The following TRIM24 variants were observed in gnomAD, a reference collection of about 807,000 sequenced individuals.
The protein encoded by TRIM24 is transcription intermediary factor 1-alpha.
Under a neutral mutation model 123.9 loss-of-function variants are expected in TRIM24, and 29 were observed. That is an observed-to-expected ratio of 0.23 (90% CI 0.17 to 0.32). TRIM24 has a LOEUF of 0.32. Among genes scored for constraint, TRIM24 ranks in the 10% least tolerant of loss-of-function variants. The probability of loss-of-function intolerance (pLI) is 1.00; values close to 1 mark genes in which losing one functional copy is unlikely to be tolerated. For synonymous variants in TRIM24, 456 were observed against 461.1 expected (o/e 0.99, Z 0.14); for missense variants, 932 against 1,295.3 (o/e 0.72, Z 4.31).
intron 10 of TRIM24, 77 bp from the exon 11 acceptor site, chr7:138,570,753 T>C: frequency 6.8e-7 from 1 of 1,479,192 alleles, no homozygotes; most frequent in Non-Finnish European, 9.2e-7. Context: ...CTACTTCATT[T>C]TGTGTGAGTG....
rs142905133 is a variant in TRIM24, at chr7:138,471,748, C to T, written c.364+10836C>T. ...TAGAGATGGGGTTTCGCCATGTTGG[C>T]CAGGCTGGTTTCAAACTCCTCACCT... On this transcript the variant is annotated intron_variant, in intron 1 of 18. Transcript: ENST00000343526. Among the ~76,000 whole-genome samples the T allele has an allele frequency of 2.3e-3, 351 of 152,134 alleles. 2 individuals carry two copies. Among genetic ancestry groups the T allele is most frequent in the African/African-American group, 8.3e-3 (346 of 41,512 alleles).
At position 138,585,005 on chromosome 7, in the gene TRIM24, A is replaced by G. The variant is rs1188171274; in HGVS notation, c.*54A>G. 1 of 1,473,134 alleles carries G rather than the reference A, an allele frequency of 6.8e-7. No homozygotes were observed. Among genetic ancestry groups the G allele is most frequent in the Admixed American group, 2.2e-5 (1 of 45,568 alleles). 91.3% of individuals were successfully genotyped at this position (1,473,134 alleles called of 1,614,324 possible). On this transcript the variant is annotated 3_prime_UTR_variant, in exon 19 of 19. Transcript: ENST00000343526. ...TTTAGATTTTTTTGTTTTCAAAAAA[A>G]CATTTGTCAGTAATTTAACATCACT...
intron 1 of TRIM24, among the ~76,000 whole-genome samples, chr7:138,461,627 G>T (rs1018997088): frequency 6.6e-6 from 1 of 152,168 alleles, no homozygotes; most frequent in South Asian, 2.1e-4. Flanking sequence ...GGAAGTTACT[G>T]TTCTCTTTGT....
At chr7:138,574,997 TGAG>T (rs1307545221) in intron 12 of TRIM24, among the ~76,000 whole-genome samples, 1 of 152,180 alleles carries the variant, frequency 6.6e-6, no homozygotes, top group Non-Finnish European at 1.5e-5. Flanking sequence ...TGCCCAAATA[TGAG>T]GATAAAAATA....
intron 1 of TRIM24, among the ~76,000 whole-genome samples, chr7:138,467,972 T>A (rs956241381): frequency 1.3e-5 from 2 of 152,202 alleles, no homozygotes; most frequent in African/African-American, 4.8e-5. Flanking sequence ...CTTCTTGCTT[T>A]CTATTCTTAA....
chr7:138,509,652 A>C (rs1796243321), intron 2 of TRIM24, among the ~76,000 whole-genome samples: 1 of 143,032 alleles, frequency 7.0e-6, no homozygotes, highest in East Asian at 2.2e-4. Flanking sequence ...CAGTGAGCCA[A>C]GATTGCACCA....
intron 9 of TRIM24, among the ~76,000 whole-genome samples, chr7:138,564,710 A>G (rs1454829405): frequency 6.6e-6 from 1 of 152,142 alleles, no homozygotes; most frequent in African/African-American, 2.4e-5. Context: ...TACATGGCCA[A>G]TTGTTTCCCT....
intron 1 of TRIM24, among the ~76,000 whole-genome samples, chr7:138,481,572 G>A (rs998021151): frequency 1.3e-5 from 2 of 151,998 alleles, no homozygotes; most frequent in African/African-American, 4.8e-5. Context: ...TCCCAGTACT[G>A]TGGGAGGATC....
intron 6 of TRIM24, among the ~76,000 whole-genome samples, chr7:138,530,220 G>T (rs1038096647): frequency 6.7e-6 from 1 of 150,268 alleles, no homozygotes; most frequent in Non-Finnish European, 1.5e-5. Context: ...TTCAAGGTCT[G>T]TGACTTTAAA....
chr7:138,552,753 C>T (rs1797238120), intron 8 of TRIM24, among the ~76,000 whole-genome samples: 1 of 152,142 alleles, frequency 6.6e-6, no homozygotes, highest in South Asian at 2.1e-4. Flanking sequence ...AAGGAGACCC[C>T]TGCAGACTAG....
chr7:138,567,700 T>C, intron 10 of TRIM24, 46 bp downstream of exon 10: 1 of 1,504,458 alleles, frequency 6.6e-7, no homozygotes, highest in Non-Finnish European at 8.9e-7. Context: ...TGCTGCTTTC[T>C]ACTTTCAAAT....
chr7:138,501,400 T>G (rs1366475583), intron 1 of TRIM24, among the ~76,000 whole-genome samples: 3 of 151,874 alleles, frequency 2.0e-5, no homozygotes, highest in African/African-American at 7.3e-5. Context: ...CCGGCCAATT[T>G]GTGTATTTTT....
chr7:138,467,588 G>A (rs985204462), intron 1 of TRIM24, among the ~76,000 whole-genome samples: 1 of 151,974 alleles, frequency 6.6e-6, no homozygotes, highest in Non-Finnish European at 1.5e-5. Flanking sequence ...TGATCTGCCC[G>A]CCTCGGCCTC....
At chr7:138,463,259 A>AC (rs1795053027) in intron 1 of TRIM24, among the ~76,000 whole-genome samples, 1 of 149,062 alleles carries the variant, frequency 6.7e-6, no homozygotes, top group African/African-American at 2.5e-5. Flanking sequence ...CTGCGTTCTT[A>AC]CCTTCCTACC....
rs779815597 is a variant in TRIM24, at chr7:138,554,712, G to A, written c.1276G>A (p.Glu426Lys). 26 of 1,613,616 alleles carry A rather than the reference G, an allele frequency of 1.6e-5. No homozygotes were observed. The highest frequency in any genetic ancestry group is 1.6e-4 in the Middle Eastern group (1 of 6,076). ...NIINLGSLVIEDKESQPQMPK... is the reference protein window; with the variant it reads ...NIINLGSLVIKDKESQPQMPK... Reference sequence around the variant, plus strand: ...TTTTTAATTAGGTTCTTTAGTAATCGAGGATAAAGAGAGCCAGCCACAAAT... The same window carrying A: ...TTTTTAATTAGGTTCTTTAGTAATCAAGGATAAAGAGAGCCAGCCACAAAT... The change falls in exon 9 of 19, where the codon GAG becomes AAG. Residue 426 changes from glutamate to lysine, a missense_variant. Coordinates refer to ENST00000343526, the MANE Select transcript of TRIM24 (RefSeq NM_015905.3). The surrounding 1 kb of genome is among the most constrained non-coding windows in gnomAD (Gnocchi z 4.5).
At chr7:138,541,824 G>T (rs1215501128) in intron 7 of TRIM24, among the ~76,000 whole-genome samples, 1 of 152,190 alleles carries the variant, frequency 6.6e-6, no homozygotes, top group Non-Finnish European at 1.5e-5. Flanking sequence ...TGTATCTTTT[G>T]ATTAACTTGC....
chr7:138,465,801 T>G (rs2116444940), intron 1 of TRIM24, among the ~76,000 whole-genome samples: 1 of 152,338 alleles, frequency 6.6e-6, no homozygotes, highest in African/African-American at 2.4e-5. Flanking sequence ...GGAGCTATTA[T>G]GAATAAAACT....
At chr7:138,508,666 T>TGC (rs1796201216) in intron 2 of TRIM24, among the ~76,000 whole-genome samples, 2 of 55,124 alleles carry the variant, frequency 3.6e-5, no homozygotes, top group Admixed American at 1.8e-4. Context: ...AAGAGGAGTG[T>TGC]GTGTGTGTGT....
chr7:138,576,864 C>T (rs570661729), intron 13 of TRIM24, among the ~76,000 whole-genome samples: 1 of 152,298 alleles, frequency 6.6e-6, no homozygotes, highest in South Asian at 2.1e-4. Context: ...CAACTGCTCT[C>T]CTCTTCCCTG....
Sources: allele counts gnomAD v4.1 joint callset (sites outside exome capture counted in the v4.1 genomes callset), GRCh38; gene constraint gnomAD v4.1.1; non-coding constraint Gnocchi (gnomAD v3.1); transcripts MANE v1.5; gene names NCBI Gene and HGNC (gene_info 2026-07-23, HGNC 2026-07-21).